Variants in GRM7 observed in about 807,000 individuals in gnomAD.
The protein encoded by GRM7 is glutamate metabotropic receptor 7, also known as metabotropic glutamate receptor 7.
A neutral mutation model predicts 84.5 loss-of-function variants in GRM7; 35 were observed. The ratio of observed to expected loss-of-function variants is 0.41; its 90% CI spans 0.32 to 0.55. GRM7 has a LOEUF of 0.55. Among genes scored for constraint, GRM7 ranks in the 20% least tolerant of loss-of-function variants. The pLI is 0.19. For missense variants in GRM7, 1,003 were observed against 1,194.6 expected, an observed-to-expected ratio of 0.84 and a Z score of 2.36; for synonymous variants, 487 against 455.1, an observed-to-expected ratio of 1.07 and a Z score of -0.89.
At position 6,878,543 on chromosome 3, in the gene GRM7, A is replaced by AAAT. The variant is rs58165323; in HGVS notation, c.519+16650_519+16652dup. Among the ~76,000 whole-genome samples the AAAT allele has an allele frequency of 8.8e-3, 1,324 of 150,386 alleles. 18 individuals carry two copies. The highest frequency in any genetic ancestry group is 0.031 in the African/African-American group (1,253 of 40,850). On this transcript the variant is annotated intron_variant, in intron 1 of 9. Transcript: ENST00000357716. ...ACTAGATATTTAAGAGATTAACATA[A>AAAT]AATAATAATAATAATACAAAAACAA...
intron 8 of GRM7, among the ~76,000 whole-genome samples, chr3:7,661,231 C>A (rs1456468166): frequency 2.6e-5 from 4 of 152,164 alleles, no homozygotes; most frequent in Middle Eastern, 3.4e-3. Context: ...ATATTTGAAT[C>A]AAAAAACCCT....
At chr3:7,099,467 A>C (rs907574157) in intron 1 of GRM7, among the ~76,000 whole-genome samples, 1 of 147,872 alleles carries the variant, frequency 6.8e-6, no homozygotes, top group Admixed American at 6.7e-5. Context: ...ATACAAATAC[A>C]TATACACATA....
At chr3:7,162,648 A>G (rs534791880) in intron 2 of GRM7, among the ~76,000 whole-genome samples, 15 of 149,828 alleles carry the variant, frequency 1.0e-4, no homozygotes, top group Non-Finnish European at 1.8e-4. Flanking sequence ...TAGAACTGTC[A>G]GGTGTGAGGG....
intron 1 of GRM7, among the ~76,000 whole-genome samples, chr3:7,002,820 A>C (rs934154330): frequency 1.5e-4 from 23 of 152,216 alleles, no homozygotes; most frequent in Admixed American, 6.5e-5. Flanking sequence ...GATAATAGCC[A>C]AGGTATAGAA....
At chr3:6,991,403 C>CA (rs760100375) in intron 1 of GRM7, among the ~76,000 whole-genome samples, 1 of 151,628 alleles carries the variant, frequency 6.6e-6, no homozygotes, top group Non-Finnish European at 1.5e-5. Flanking sequence ...TGACTGCAAG[C>CA]AAAAAAATGT....
At chr3:6,894,119 A>G (rs1033670758) in intron 1 of GRM7, 1 of 152,156 alleles carries the variant, frequency 6.6e-6, no homozygotes, top group Admixed American at 6.6e-5. Flanking sequence ...CTATGTACAG[A>G]TGAAACCTCT....
At chr3:7,162,950 T>A (rs1231340021) in intron 2 of GRM7, among the ~76,000 whole-genome samples, 1 of 151,342 alleles carries the variant, frequency 6.6e-6, no homozygotes, top group African/African-American at 2.4e-5. Context: ...AGTAGAGACA[T>A]GATTTCACCA....
chr3:7,607,598 A>G (rs973210029), intron 8 of GRM7: 6 of 152,138 alleles, frequency 3.9e-5, no homozygotes, highest in African/African-American at 1.4e-4. Flanking sequence ...CATAAATTTT[A>G]TCTTGTAACC....
intron 1 of GRM7, among the ~76,000 whole-genome samples, chr3:6,926,929 A>T (rs893880073): frequency 2.2e-4 from 34 of 152,208 alleles, no homozygotes; most frequent in African/African-American, 8.0e-4. Flanking sequence ...CACTGGATGT[A>T]AATCATTGAG....
intron 8 of GRM7, among the ~76,000 whole-genome samples, chr3:7,626,229 C>T (rs1697601871): frequency 6.6e-6 from 1 of 152,124 alleles, no homozygotes; most frequent in Admixed American, 6.6e-5. Context: ...CAACGTGGCT[C>T]ACTAATTGCT....
chr3:7,452,794 T>G lies in GRM7; in HGVS notation c.1362T>G (p.Asn454Lys). ...GGKKLLKYIR[N>K]VNFNGSAGTP... is the part of the protein sequence containing the mutation. The stretch of plus-strand genomic sequence containing the variant: ...AGAAGTTGCTGAAGTATATACGCAA[T>G]GTTAATTTCAATGGTGAGTCTCCAA... Residue 454 changes from asparagine (N) to lysine (K), a missense_variant, in exon 6 of 10, where the codon AAT (asparagine) becomes AAG (lysine). Coordinates refer to ENST00000357716, the MANE Select transcript of GRM7 (RefSeq NM_000844.4). The G allele has an allele frequency of 3.1e-6, 5 of 1,608,930 alleles. No homozygotes were observed. Among genetic ancestry groups the G allele is most frequent in the Non-Finnish European group, 4.3e-6 (5 of 1,175,714 alleles).
intron 4 of GRM7, among the ~76,000 whole-genome samples, chr3:7,410,804 A>G (rs890926267): frequency 1.9e-4 from 29 of 152,174 alleles, no homozygotes; most frequent in Non-Finnish European, 2.9e-5. Context: ...CTAGTAAGGT[A>G]TATACCACAA....
At position 7,718,062 on chromosome 3, in the gene GRM7, T is replaced by C. The variant is rs9815574; in HGVS notation, c.2699-22295T>C. Among the ~76,000 whole-genome samples, 1,462 of 152,332 alleles carry C rather than the reference T, an allele frequency of 9.6e-3. 25 individuals carry two copies. The highest frequency in any genetic ancestry group is 0.033 in the African/African-American group (1,379 of 41,580). On this transcript the variant is annotated intron_variant, in intron 9 of 9. Transcript: ENST00000357716. ...GGTTCACATGAACTCTGGAGTCAGA[T>C]GGCCTAGCTCAGCCAACCCTGGGGC...
At chr3:7,456,873 T>G (rs17047363) in intron 6 of GRM7, among the ~76,000 whole-genome samples, 2,458 of 152,192 alleles carry the variant, frequency 0.016, 73 homozygotes, top group African/African-American at 0.057. Flanking sequence ...CTAAATTTAA[T>G]CAGTGGGTCC....
intron 7 of GRM7, among the ~76,000 whole-genome samples, chr3:7,550,114 A>G (rs1693377494): frequency 6.6e-6 from 1 of 150,452 alleles, no homozygotes; most frequent in Admixed American, 6.6e-5. Flanking sequence ...ACCCCCACTT[A>G]GTAATGGATT....
At chr3:6,873,705 C>T (rs189641584) in intron 1 of GRM7, among the ~76,000 whole-genome samples, 136 of 152,296 alleles carry the variant, frequency 8.9e-4, no homozygotes, top group African/African-American at 3.2e-3. Flanking sequence ...ATTCCATTAT[C>T]CCCTAACTCC....
intron 1 of GRM7, among the ~76,000 whole-genome samples, chr3:6,890,723 A>G (rs1695900787): frequency 6.6e-6 from 1 of 152,026 alleles, no homozygotes; most frequent in South Asian, 2.1e-4. Context: ...TTTGGGGTGG[A>G]GAGTTCTGTA....
intron 1 of GRM7, among the ~76,000 whole-genome samples, chr3:6,993,555 C>G (rs894485767): frequency 1.3e-5 from 2 of 152,124 alleles, no homozygotes; most frequent in African/African-American, 4.8e-5. Context: ...GTGGCTTGTA[C>G]TGTAGTTGGT....
At chr3:7,088,569 A>G (rs1454724044) in intron 1 of GRM7, among the ~76,000 whole-genome samples, 3 of 150,224 alleles carry the variant, frequency 2.0e-5, no homozygotes, top group Non-Finnish European at 4.4e-5. Context: ...TGGCCTCAGG[A>G]AACACTTGGT....
Sources: gnomAD v4.1 joint callset for allele counts (sites outside exome capture counted in the v4.1 genomes callset) on GRCh38, gnomAD v4.1.1 for gene constraint, MANE v1.5 for transcripts, NCBI Gene and HGNC (gene_info 2026-07-23, HGNC 2026-07-21) for gene names.